PAPSS1: variants seen among roughly 807,000 people sequenced by gnomAD.
PAPSS1 encodes the protein 3'-phosphoadenosine 5'-phosphosulfate synthase 1, also known as bifunctional 3'-phosphoadenosine 5'-phosphosulfate synthase 1.
Under a neutral mutation model 72.0 loss-of-function variants are expected in PAPSS1, and 50 were observed. The observed-to-expected ratio is 0.69, with a 90% confidence interval of 0.55 to 0.88. The LOEUF (loss-of-function observed/expected upper bound fraction) is 0.88. Ranked by LOEUF, PAPSS1 falls within the 40% of genes least tolerant of loss-of-function variation. The pLI is 0.00. For synonymous variants in PAPSS1, 261 were observed against 263.6 expected (o/e 0.99, Z 0.09); for missense variants, 657 against 782.2 (o/e 0.84, Z 1.91).
Position 107,653,556 on chromosome 4 carries a change from T to C in PAPSS1, c.1172A>G (p.Asp391Gly). The C allele has an allele frequency of 6.2e-7, 1 of 1,613,094 alleles. No homozygotes were observed. The highest frequency in any genetic ancestry group is 8.5e-7 in the Non-Finnish European group (1 of 1,179,272). ...LQVLDRVYWNDGLDQYRLTPT... is the reference protein window; with the variant it reads ...LQVLDRVYWNGGLDQYRLTPT... ...AGTAAGACGATACTGATCAAGACCA[T>C]CATTCCAATAAACTCGATCCAAGAC... The change falls in exon 9 of 12, where the codon GAT (aspartate) becomes GGT (glycine). Residue 391 changes from aspartate to glycine, a missense_variant. By Grantham distance (94) the Asp-to-Gly change is moderately conservative. Coordinates refer to ENST00000265174, the MANE Select transcript of PAPSS1 (RefSeq NM_005443.5).
At chr4:107,688,545 T>G (rs1304269224) in intron 3 of PAPSS1, among the ~76,000 whole-genome samples, 3 of 152,154 alleles carry the variant, frequency 2.0e-5, no homozygotes, top group Admixed American at 1.3e-4. Flanking sequence ...ATACCAGGCC[T>G]CTTTGCTGCT....
chr4:107,646,320 CACACACAT>C (rs1392735994), intron 9 of PAPSS1, among the ~76,000 whole-genome samples: 4 of 149,058 alleles, frequency 2.7e-5, no homozygotes, highest in South Asian at 2.1e-4. Flanking sequence ...TACACACACA[CACACACAT>C]ACACACACAT....
Position 107,631,795 on chromosome 4 carries a change from A to G in PAPSS1, c.1572T>C (p.Pro524=), listed in dbSNP as rs764506525. The G allele has an allele frequency of 1.2e-6, 2 of 1,614,118 alleles. No individual in the cohort carries two copies. Among genetic ancestry groups the G allele is most frequent in the Admixed American group, 3.3e-5 (2 of 60,028 alleles). Residue 524 remains proline, a synonymous_variant, in exon 11 of 12, where the codon CCT becomes CCC. Coordinates refer to ENST00000265174, the MANE Select transcript of PAPSS1 (RefSeq NM_005443.5). ...GANFYIVGRD[P]AGMPHPETGK... is the part of the protein sequence containing the mutation. ...CTGTTTCTGGATGAGGCATGCCAGC[A>G]GGGTCTCGTCCAACAATGTAAAAGT... is the stretch of plus-strand genomic sequence containing the variant.
intron 5 of PAPSS1, among the ~76,000 whole-genome samples, chr4:107,662,342 C>G (rs1386683933): frequency 1.3e-5 from 2 of 152,170 alleles, no homozygotes; most frequent in Non-Finnish European, 2.9e-5. Flanking sequence ...AAGCTTCCAG[C>G]AGGCACCCAT....
chr4:107,614,465 T>C, intron 11 of PAPSS1, 78 bp from the exon 12 acceptor site: 2 of 1,101,082 alleles, frequency 1.8e-6, no homozygotes, highest in Admixed American at 4.5e-5. Flanking sequence ...TTCCTTCTGT[T>C]CATATTAGAC....
intron 5 of PAPSS1, among the ~76,000 whole-genome samples, chr4:107,681,247 C>T (rs1006552538): frequency 6.6e-6 from 1 of 152,026 alleles, no homozygotes; most frequent in Non-Finnish European, 1.5e-5. Context: ...CTGTGTACCC[C>T]TAGGTCAGGA....
chr4:107,683,212 G>A (rs1349814376), intron 4 of PAPSS1, among the ~76,000 whole-genome samples: 1 of 151,784 alleles, frequency 6.6e-6, no homozygotes, highest in African/African-American at 2.4e-5. Flanking sequence ...TAGCAAAAGA[G>A]TTCAAAAATA....
At chr4:107,647,662 C>T (rs1726730010) in intron 9 of PAPSS1, among the ~76,000 whole-genome samples, 1 of 152,170 alleles carries the variant, frequency 6.6e-6, no homozygotes, top group South Asian at 2.1e-4. Context: ...TGCAATCTTC[C>T]AGTTTTTCTC....
chr4:107,710,787 C>A (rs1309738614), intron 1 of PAPSS1, among the ~76,000 whole-genome samples: 2 of 152,228 alleles, frequency 1.3e-5, no homozygotes, highest in African/African-American at 4.8e-5. Flanking sequence ...TCCTGTCCAT[C>A]TGCAAAGATG....
Position 107,625,904 on chromosome 4 carries a change from G to C in PAPSS1, c.1736+5727C>G, listed in dbSNP as rs141237362. Among the ~76,000 whole-genome samples, 144 of 152,164 alleles carry C rather than the reference G, an allele frequency of 9.5e-4. 1 individual carries two copies. The East Asian group carries it at 0.027, about 28-fold the overall frequency. On this transcript the variant is annotated intron_variant, in intron 11 of 11. Coordinates refer to ENST00000265174, the MANE Select transcript of PAPSS1 (RefSeq NM_005443.5). ...CATTATTTAAAGTATACTCTGGGCC[G>C]GGCGCGGTGGCTCATGCCTGTAATC...
At chr4:107,648,961 A>T (rs1451522364) in intron 9 of PAPSS1, among the ~76,000 whole-genome samples, 3 of 152,204 alleles carry the variant, frequency 2.0e-5, no homozygotes, top group African/African-American at 7.2e-5. Flanking sequence ...TTTTCACAAA[A>T]CTGGTAAATT....
At chr4:107,644,780 G>GA (rs1479836073) in intron 10 of PAPSS1, 22 bp downstream of exon 10, 2 of 1,587,894 alleles carry the variant, frequency 1.3e-6, no homozygotes, top group East Asian at 2.2e-5. Context: ...CTGCTGCAGT[G>GA]AAAATCTTAC....
intron 5 of PAPSS1, among the ~76,000 whole-genome samples, chr4:107,674,438 G>A (rs866039858): frequency 6.6e-6 from 1 of 152,102 alleles, no homozygotes; most frequent in Non-Finnish European, 1.5e-5. Flanking sequence ...GACAAAGAAG[G>A]TCATTACATA....
intron 2 of PAPSS1, among the ~76,000 whole-genome samples, chr4:107,699,723 C>T (rs1302152853): frequency 6.6e-6 from 1 of 152,158 alleles, no homozygotes; most frequent in Non-Finnish European, 1.5e-5. Context: ...ATTAGGCTCA[C>T]ACTTATTCAA....
At chr4:107,700,146 A>G (rs868432259) in intron 2 of PAPSS1, among the ~76,000 whole-genome samples, 5 of 152,168 alleles carry the variant, frequency 3.3e-5, no homozygotes, top group Non-Finnish European at 7.4e-5. Flanking sequence ...AAACATGATT[A>G]AAAAAACAAA....
intron 1 of PAPSS1, among the ~76,000 whole-genome samples, chr4:107,717,340 C>T (rs1319319439): frequency 3.9e-5 from 6 of 151,918 alleles, no homozygotes; most frequent in Non-Finnish European, 4.4e-5. Flanking sequence ...TAAAATGGGT[C>T]CAGCACTAAC....
At chr4:107,645,721 C>T (rs1726676343) in intron 9 of PAPSS1, among the ~76,000 whole-genome samples, 1 of 152,176 alleles carries the variant, frequency 6.6e-6, no homozygotes, top group African/African-American at 2.4e-5. Flanking sequence ...TGGGTTCATT[C>T]CTACGTGGTG....
intron 3 of PAPSS1, among the ~76,000 whole-genome samples, chr4:107,692,785 T>C (rs1291864791): frequency 1.3e-5 from 2 of 151,964 alleles, no homozygotes; most frequent in Admixed American, 6.6e-5. Flanking sequence ...TGTGTATATA[T>C]ATATATATAT....
At chr4:107,634,016 A>C (rs1726294738) in intron 10 of PAPSS1, among the ~76,000 whole-genome samples, 1 of 152,060 alleles carries the variant, frequency 6.6e-6, no homozygotes, top group Non-Finnish European at 1.5e-5. Flanking sequence ...TGTTCATTAA[A>C]TAGTCTGTTT....
Sources: allele counts gnomAD v4.1 joint callset (sites outside exome capture counted in the v4.1 genomes callset), GRCh38; gene constraint gnomAD v4.1.1; transcripts MANE v1.5; gene names NCBI Gene and HGNC (gene_info 2026-07-23, HGNC 2026-07-21).